The following FAM53A variants were observed in gnomAD, a reference collection of about 807,000 sequenced individuals.
FAM53A encodes the protein protein FAM53A.
In FAM53A, 28 loss-of-function variants were observed where a neutral mutation model predicts 26.6. That is an observed-to-expected ratio of 1.05 (90% CI 0.78 to 1.45). The LOEUF is 1.45. Among genes scored for constraint, FAM53A ranks in the 40% most tolerant of loss-of-function variants. The pLI is 0.00. For synonymous variants in FAM53A, 290 were observed against 253.1 expected (o/e 1.15, Z -1.38); for missense variants, 650 against 575.8 (o/e 1.13, Z -1.32).
intron 2 of FAM53A, among the ~76,000 whole-genome samples, chr4:1,665,168 A>G (rs925900859): frequency 1.3e-5 from 2 of 152,024 alleles, no homozygotes; most frequent in East Asian, 1.9e-4. Flanking sequence ...TACAAAAAAA[A>G]TTAGCCGGGC....
At position 1,657,078 on chromosome 4, in the gene FAM53A, C is replaced by T. The variant is rs184245970; in HGVS notation, c.136+330G>A. ...CTGACGCTACAAGCCCTGCCAGCCA[C>T]GCCGTCCTCTTCTTTTCGTGGCCAC... On this transcript the variant is annotated intron_variant, in intron 3 of 4. Coordinates refer to ENST00000308132, the MANE Select transcript of FAM53A (RefSeq NM_001174070.3). Among the ~76,000 whole-genome samples the T allele has an allele frequency of 2.9e-3, 442 of 152,350 alleles. 3 individuals are homozygous for T. Among genetic ancestry groups the T allele is most frequent in the Middle Eastern group, 0.01 (3 of 294 alleles).
chr4:1,580,377 A>G, the FAM53A span: 1 of 152,244 alleles, frequency 6.6e-6, no homozygotes, highest in South Asian at 2.1e-4. Flanking sequence ...GCGGGCCACC[A>G]GTGTGGCCAG....
rs375510110 is a variant in FAM53A, at chr4:1,621,395, C to T, written c.432-3284G>A. On this transcript the variant is annotated intron_variant, in intron 1 of 1. Coordinates refer to the FAM53A transcript ENST00000489029. ...CTGGGATTACAGGCATGAGCCACCG[C>T]GCCCGGTCAGTCGGCTACTTTTAAG... Among the ~76,000 whole-genome samples the T allele has an allele frequency of 8.9e-4, 134 of 151,324 alleles. 1 individual carries two copies. Among genetic ancestry groups the T allele is most frequent in the Middle Eastern group, 3.4e-3 (1 of 294 alleles).
At position 1,649,207 on chromosome 4, in the gene FAM53A, G is replaced by C. The variant is rs1418036986; in HGVS notation, c.882+5771C>G. 4.7e-5 allele frequency among the ~76,000 whole-genome samples: 7 copies of C among 150,180 alleles called. No homozygotes were observed. The East Asian group carries it at 1.2e-3, about 25-fold the overall frequency. ...GGGGAAGGGGAAGGGGAAAGGGAAA[G>C]GGAAGGGGAAGGGGAAGAGGAGGGG... On this transcript the variant is annotated intron_variant, in intron 4 of 4. Transcript: ENST00000308132.
At chr4:1,599,366 G>T in the FAM53A span, among the ~76,000 whole-genome samples, 4 of 152,336 alleles carry the variant, frequency 2.6e-5, no homozygotes, top group South Asian at 8.3e-4. This position sits in a 1 kb window ranked among gnomAD's most constrained non-coding sequence, Gnocchi z 6.1. Context: ...GGGCCAGCCA[G>T]GAGCCCATCG....
chr4:1,610,389 G>A, the FAM53A span, among the ~76,000 whole-genome samples: 1 of 152,208 alleles, frequency 6.6e-6, no homozygotes, highest in Non-Finnish European at 1.5e-5. Flanking sequence ...GACGGGCAAG[G>A]GGAGGGATGA....
At chr4:1,604,326 G>T in the FAM53A span, among the ~76,000 whole-genome samples, 1 of 152,208 alleles carries the variant, frequency 6.6e-6, no homozygotes, top group Non-Finnish European at 1.5e-5. Context: ...CTCAGGCGGG[G>T]TGTAGGCGGT....
chr4:1,629,727 C>T lies in FAM53A; in HGVS notation c.432-11616G>A, dbSNP rs537394288. ...CAGCCCCTTGGGAAGAGGGACCCAA[C>T]CTGGGGTCCCTTTGGGAGGCTGAGG... On this transcript the variant is annotated intron_variant, in intron 1 of 1. Coordinates refer to the FAM53A transcript ENST00000489029. Among the ~76,000 whole-genome samples, 6 of 152,290 alleles carry T rather than the reference C, an allele frequency of 3.9e-5. No homozygotes were observed. The South Asian group carries it at 8.3e-4, about 21-fold the overall frequency.
intron 4 of FAM53A, among the ~76,000 whole-genome samples, chr4:1,647,978 G>A (rs1298005013): frequency 6.6e-6 from 1 of 152,208 alleles, no homozygotes; most frequent in East Asian, 1.9e-4. Flanking sequence ...GGGAGGTGAG[G>A]CAGGAAGATG....
intron 2 of FAM53A, among the ~76,000 whole-genome samples, chr4:1,667,434 G>A (rs1366978474): frequency 3.9e-5 from 6 of 152,278 alleles, no homozygotes; most frequent in East Asian, 3.9e-4. Flanking sequence ...ACTGACAGCC[G>A]GAAACGTACT....
In FAM53A at chr4:1,625,234, C is replaced by T. The variant is rs557146878; in HGVS notation, c.432-7123G>A. On this transcript the variant is annotated intron_variant, in intron 1 of 1. Transcript: ENST00000489029. ...GTCCCAGCCCACGTGGTCAGGGTCA[C>T]GCCAGGTGATCAGAAGGCCCCACGT... Among the ~76,000 whole-genome samples the T allele has an allele frequency of 5.9e-5, 3 of 51,212 alleles. No homozygotes were observed. In the South Asian group the frequency reaches 2.0e-3, roughly 33 times the overall value. 33.6% of individuals were successfully genotyped at this position (51,212 alleles called of 152,430 possible).
chr4:1,645,018 G>C (rs1426169475), intron 4 of FAM53A: 2 of 152,374 alleles, frequency 1.3e-5, no homozygotes, highest in Non-Finnish European at 2.9e-5. Context: ...ATGTGGGAGG[G>C]GCTCACAGGG....
chr4:1,589,643 G>T, the FAM53A span, among the ~76,000 whole-genome samples: 1 of 151,998 alleles, frequency 6.6e-6, no homozygotes. Flanking sequence ...GTTTACTGTG[G>T]TGTCAATTTG....
chr4:1,641,247 G>A lies in FAM53A; in HGVS notation c.*46C>T, dbSNP rs770410417. 4 of 1,600,644 alleles carry A rather than the reference G, an allele frequency of 2.5e-6. No homozygotes were observed. Among genetic ancestry groups the A allele is most frequent in the Non-Finnish European group, 3.4e-6 (4 of 1,171,236 alleles). ...ACAGGAAACCTACTCTGTGCCCCAG[G>A]GCAGGTGCAGGCGGCAGCCATGGCC... On this transcript the variant is annotated 3_prime_UTR_variant, in exon 5 of 5. Transcript: ENST00000308132.
In FAM53A at chr4:1,626,739, G is replaced by T. The variant is rs80243758; in HGVS notation, c.432-8628C>A. 4.8e-3 allele frequency among the ~76,000 whole-genome samples: 731 copies of T among 152,072 alleles called. 10 individuals carry two copies. Among genetic ancestry groups the T allele is most frequent in the African/African-American group, 0.017 (691 of 41,498 alleles). Reference sequence around the variant, plus strand: ...TGATGTTTTGAGTCTGGGGGACCCAGGACAGTGTAGACTCTCAGCTACAGC... The same window carrying T: ...TGATGTTTTGAGTCTGGGGGACCCATGACAGTGTAGACTCTCAGCTACAGC... On this transcript the variant is annotated intron_variant, in intron 1 of 1. Coordinates refer to the FAM53A transcript ENST00000489029.
At chr4:1,579,861 C>G in the FAM53A span, among the ~76,000 whole-genome samples, 1 of 152,192 alleles carries the variant, frequency 6.6e-6, no homozygotes, top group Non-Finnish European at 1.5e-5. Flanking sequence ...GGGCATCCAC[C>G]CATCAGGCCT....
chr4:1,624,674 G>A (rs78209002), intron 1 of FAM53A, among the ~76,000 whole-genome samples: 3,523 of 152,312 alleles, frequency 0.023, 115 homozygotes, highest in African/African-American at 0.059. Context: ...CCGCCACCAC[G>A]CCAGGTACCG....
intron 4 of FAM53A, among the ~76,000 whole-genome samples, chr4:1,654,503 G>A (rs1001751384): frequency 3.9e-5 from 6 of 152,384 alleles, no homozygotes; most frequent in South Asian, 2.1e-4. Context: ...GCGCACAGGC[G>A]CTGCTGGGCT....
At chr4:1,668,534 C>G in intron 2 of FAM53A, 133 bp downstream of exon 2, 2 of 875,986 alleles carry the variant, frequency 2.3e-6, no homozygotes, top group South Asian at 3.2e-5. Flanking sequence ...CACCAGACAC[C>G]CCCATCCCTG....
Sources: allele counts gnomAD v4.1 joint callset (sites outside exome capture counted in the v4.1 genomes callset), GRCh38; gene constraint gnomAD v4.1.1; non-coding constraint Gnocchi (gnomAD v3.1); transcripts MANE v1.5; gene names NCBI Gene and HGNC (gene_info 2026-07-23, HGNC 2026-07-21).